ZZEF1: variants seen among roughly 807,000 people sequenced by gnomAD.
ZZEF1 encodes zinc finger ZZ-type and EF-hand domain containing 1, also known as zinc finger ZZ-type and EF-hand domain-containing protein 1.
ZZEF1 carries 157 observed loss-of-function variants against 342.8 expected under a neutral mutation model. The ratio of observed to expected loss-of-function variants is 0.46; its 90% CI spans 0.40 to 0.52. The LOEUF (loss-of-function observed/expected upper bound fraction) is 0.52, where lower values mean the gene tolerates loss of function less well. ZZEF1 is among the 20% of genes least tolerant of loss of function. ZZEF1 has a pLI of 0.00. For missense variants in ZZEF1, 3,480 were observed against 3,725.6 expected, an observed-to-expected ratio of 0.93 and a Z score of 1.72; for synonymous variants, 1,505 against 1,429.1, an observed-to-expected ratio of 1.05 and a Z score of -1.20.
chr17:4,082,839 G>A (rs995459080), intron 16 of ZZEF1, among the ~76,000 whole-genome samples: 3 of 152,066 alleles, frequency 2.0e-5, no homozygotes, highest in African/African-American at 4.8e-5. Context: ...GCAATGGCGC[G>A]ATCTCAGCTC....
chr17:4,109,382 T>A (rs1380151106), intron 6 of ZZEF1, among the ~76,000 whole-genome samples: 1 of 152,184 alleles, frequency 6.6e-6, no homozygotes, highest in Non-Finnish European at 1.5e-5. Flanking sequence ...CTGGTCCACT[T>A]AGTGAGCTGA....
intron 1 of ZZEF1, among the ~76,000 whole-genome samples, chr17:4,127,093 ACTCCTGGG>A (rs1195316820): frequency 6.6e-6 from 1 of 151,900 alleles, no homozygotes; most frequent in Non-Finnish European, 1.5e-5. Flanking sequence ...GTAACCTCAA[ACTCCTGGG>A]CTCAAGAGAT....
chr17:4,069,065 C>CGAGTTCCCACAGTTGTA (rs1312107421), intron 26 of ZZEF1, among the ~76,000 whole-genome samples: 9 of 152,186 alleles, frequency 5.9e-5, no homozygotes, highest in Non-Finnish European at 1.0e-4. Context: ...CAAGACATTC[C>CGAGTTCCCACAGTTGTA]GAGTTCCCAC....
chr17:4,011,089 C>G (rs890560166), intron 52 of ZZEF1, among the ~76,000 whole-genome samples: 3 of 150,442 alleles, frequency 2.0e-5, no homozygotes, highest in Admixed American at 1.3e-4. Context: ...GACCCCACCT[C>G]TAAAAAAAAT....
chr17:4,142,016 T>C (rs903912909), intron 1 of ZZEF1, among the ~76,000 whole-genome samples: 7 of 152,222 alleles, frequency 4.6e-5, no homozygotes, highest in African/African-American at 1.4e-4. Flanking sequence ...TATGGTTCTT[T>C]AAGGATCTAC....
intron 1 of ZZEF1, among the ~76,000 whole-genome samples, chr17:4,134,354 A>T (rs914905597): frequency 6.2e-5 from 9 of 146,228 alleles, no homozygotes; most frequent in Non-Finnish European, 9.0e-5. Context: ...ATATATATTT[A>T]TATATATATA....
intron 5 of ZZEF1, 131 bp downstream of exon 5, chr17:4,112,478 T>C (rs1376291315): frequency 1.1e-6 from 1 of 937,310 alleles, no homozygotes; most frequent in Non-Finnish European, 1.7e-6. Flanking sequence ...ACTTAATGAA[T>C]GAAATAATGA....
chr17:4,070,963 C>T lies in ZZEF1; in HGVS notation c.3835-39G>A, dbSNP rs768557002. 2.6e-5 allele frequency: 41 copies of T among 1,587,272 alleles called. No individual in the cohort carries two copies. The Middle Eastern group carries it at 1.2e-3, about 46-fold the overall frequency. ...ATAAACCCATCACATTTAACACATT[C>T]ATTCAAAAAATAAAATTTATTGAGC... is the stretch of plus-strand genomic sequence containing the variant. On this transcript the variant is annotated intron_variant, in intron 25 of 54. Transcript: ENST00000381638.
chr17:4,044,204 A>G lies in ZZEF1; in HGVS notation c.6166+20T>C. 6.2e-7 allele frequency: 1 copy of G among 1,611,876 alleles called. No homozygotes were observed. Among genetic ancestry groups the G allele is most frequent in the Non-Finnish European group, 8.5e-7 (1 of 1,178,984 alleles). ...ATTTTAAGATGAAAGAGATGAAGAT[A>G]ATGGTCAAATAGTCTTTACCTGGAA... On this transcript the variant is annotated intron_variant, in intron 38 of 54. Coordinates refer to ENST00000381638, the MANE Select transcript of ZZEF1 (RefSeq NM_015113.4).
chr17:4,013,301 T>C, intron 52 of ZZEF1, 148 bp downstream of exon 52: 1 of 745,066 alleles, frequency 1.3e-6, no homozygotes, highest in South Asian at 2.6e-5. Context: ...CCAAGAACGC[T>C]AGCATAAAGC....
intron 28 of ZZEF1, among the ~76,000 whole-genome samples, chr17:4,066,100 G>A (rs756968093): frequency 1.3e-5 from 2 of 152,148 alleles, no homozygotes; most frequent in South Asian, 2.1e-4. Flanking sequence ...CCAGGAGTGG[G>A]AGGCTGCAGT....
chr17:4,064,740 C>T lies in ZZEF1; in HGVS notation c.4339G>A (p.Ala1447Thr). 1 of 1,613,994 alleles carries T rather than the reference C, an allele frequency of 6.2e-7. No homozygotes were observed. Among genetic ancestry groups the T allele is most frequent in the Non-Finnish European group, 8.5e-7 (1 of 1,180,022 alleles). Residue 1447 changes from alanine (A) to threonine (T), a missense_variant, in exon 29 of 55, where the codon GCT becomes ACT. By Grantham distance (58) the Ala-to-Thr change is moderately conservative (BLOSUM62 0). This residue lies in a region of ZZEF1 where 1,528 missense variants were observed against 1,624.1 expected (regional missense o/e 0.94). Coordinates refer to ENST00000381638, the MANE Select transcript of ZZEF1 (RefSeq NM_015113.4). ...SKESCEKLETADETSHLQPLN... is the reference protein window; with the variant it reads ...SKESCEKLETTDETSHLQPLN... ...GGCTGGAGATGACTGGTTTCATCAG[C>T]AGTCTCCAACTTTTCGCAGCTTTCT...
intron 53 of ZZEF1, 142 bp downstream of exon 53, chr17:4,009,462 C>T (rs762587900): frequency 1.7e-6 from 2 of 1,172,524 alleles, no homozygotes; most frequent in East Asian, 2.4e-5. Flanking sequence ...GAGCCTCAGA[C>T]TCTCAGCCAT....
chr17:4,125,228 C>T (rs979641461), intron 1 of ZZEF1, among the ~76,000 whole-genome samples: 5 of 152,204 alleles, frequency 3.3e-5, no homozygotes, highest in Non-Finnish European at 1.5e-5. Flanking sequence ...CCTGCTGATA[C>T]ACTCACTCAC....
chr17:4,033,283 A>T, intron 40 of ZZEF1: 1 of 330,472 alleles, frequency 3.0e-6, no homozygotes, highest in Non-Finnish European at 5.6e-6. Flanking sequence ...CACAGAAGAA[A>T]ATGTAGTGAG....
intron 40 of ZZEF1, chr17:4,033,382 C>G (rs890310669): frequency 1.2e-5 from 2 of 170,572 alleles, no homozygotes; most frequent in Non-Finnish European, 1.3e-5. Context: ...GAGTCTTGCT[C>G]TGTCGTCCAG....
At chr17:4,118,932 G>A (rs956208635) in intron 2 of ZZEF1, among the ~76,000 whole-genome samples, 4 of 152,188 alleles carry the variant, frequency 2.6e-5, no homozygotes, top group African/African-American at 7.2e-5. Context: ...TGTCATCAGT[G>A]TCATGTACCA....
chr17:4,120,995 A>C (rs1298708428), intron 2 of ZZEF1, among the ~76,000 whole-genome samples: 1 of 152,216 alleles, frequency 6.6e-6, no homozygotes, highest in Non-Finnish European at 1.5e-5. Flanking sequence ...AAAAATTCCC[A>C]CCACCAAAGC....
chr17:4,112,038 ATATATAT>A (rs1567851461), intron 5 of ZZEF1, among the ~76,000 whole-genome samples: 6 of 4,540 alleles, frequency 1.3e-3, no homozygotes, highest in African/African-American at 7.2e-3. Context: ...GTCTAAATAT[ATATATAT>A]ATATATATAT....
Sources: gnomAD v4.1 joint callset for allele counts (sites outside exome capture counted in the v4.1 genomes callset) on GRCh38, gnomAD v4.1.1 for gene constraint, gnomAD v4.1.1 regional missense constraint, MANE v1.5 for transcripts, NCBI Gene and HGNC (gene_info 2026-07-23, HGNC 2026-07-21) for gene names.